Variants in DOCK3 observed in about 807,000 individuals in gnomAD.
DOCK3 encodes the protein dedicator of cytokinesis 3.
A neutral mutation model predicts 265.6 loss-of-function variants in DOCK3; 60 were observed. The observed-to-expected ratio is 0.23, with a 90% CI of 0.18 to 0.28. The LOEUF (loss-of-function observed/expected upper bound fraction) is 0.28. DOCK3 is among the 10% of genes least tolerant of loss of function. The pLI is 1.00. For missense variants in DOCK3, 1,981 were observed against 2,594.3 expected (o/e 0.76, Z 5.14); for synonymous variants, 881 against 938.0 (o/e 0.94, Z 1.11).
At chr3:50,777,771 G>A (rs1434474279) in intron 1 of DOCK3, among the ~76,000 whole-genome samples, 1 of 152,074 alleles carries the variant, frequency 6.6e-6, no homozygotes, top group African/African-American at 2.4e-5. Context: ...TTTTGTTCCT[G>A]AGACCTTACT....
At chr3:50,767,670 C>T (rs1212071906) in intron 1 of DOCK3, among the ~76,000 whole-genome samples, 1 of 152,068 alleles carries the variant, frequency 6.6e-6, no homozygotes, top group East Asian at 1.9e-4. Context: ...TCATTGGTAG[C>T]TTGATGGGGA....
intron 4 of DOCK3, among the ~76,000 whole-genome samples, chr3:50,927,891 G>A (rs1488008921): frequency 2.0e-5 from 3 of 151,996 alleles, no homozygotes; most frequent in Non-Finnish European, 4.4e-5. Flanking sequence ...TAACACTGCC[G>A]TTTACTTCTT....
At chr3:50,729,356 TTTTATTTA>T (rs112747126) in intron 1 of DOCK3, among the ~76,000 whole-genome samples, 4 of 141,734 alleles carry the variant, frequency 2.8e-5, no homozygotes, top group Admixed American at 2.1e-4. Context: ...TTTATTTTTA[TTTTATTTA>T]TTTATTTATT....
intron 5 of DOCK3, among the ~76,000 whole-genome samples, chr3:51,053,331 A>C (rs910059025): frequency 6.6e-6 from 1 of 150,930 alleles, no homozygotes; most frequent in South Asian, 2.1e-4. Flanking sequence ...TGATCTTCTT[A>C]TTATAGAAGA....
intron 9 of DOCK3, among the ~76,000 whole-genome samples, chr3:51,112,180 A>G (rs2083549913): frequency 6.6e-6 from 1 of 152,236 alleles, no homozygotes; most frequent in Non-Finnish European, 1.5e-5. Flanking sequence ...AAACAGAACT[A>G]CCATTTGACT....
At chr3:50,895,254 C>CT (rs1472973266) in intron 4 of DOCK3, among the ~76,000 whole-genome samples, 3 of 126,950 alleles carry the variant, frequency 2.4e-5, no homozygotes, top group African/African-American at 8.8e-5. Flanking sequence ...TTTCCTTCAA[C>CT]TTTAATTTTA....
chr3:51,075,489 C>A (rs2082028024), intron 7 of DOCK3, 49 bp downstream of exon 7: 2 of 1,431,920 alleles, frequency 1.4e-6, no homozygotes. Context: ...CTCATTTTTT[C>A]TCTTTTGTTT....
chr3:51,329,554 G>A (rs2084380364), intron 32 of DOCK3, among the ~76,000 whole-genome samples: 1 of 152,204 alleles, frequency 6.6e-6, no homozygotes, highest in African/African-American at 2.4e-5. Flanking sequence ...CAGGGGCCCG[G>A]TGATGGCCCA....
chr3:50,900,297 A>G (rs887612261), intron 4 of DOCK3, among the ~76,000 whole-genome samples: 1 of 152,054 alleles, frequency 6.6e-6, no homozygotes, highest in Non-Finnish European at 1.5e-5. Context: ...TGCTTCACGA[A>G]GTTCTTGTGC....
At chr3:51,254,635 C>G (rs542328051) in intron 22 of DOCK3, among the ~76,000 whole-genome samples, 7 of 152,272 alleles carry the variant, frequency 4.6e-5, no homozygotes, top group Admixed American at 3.9e-4. Context: ...CCTTCTTTAT[C>G]TCTTTTGATC....
At chr3:51,036,145 C>T (rs1029424456) in intron 5 of DOCK3, among the ~76,000 whole-genome samples, 2 of 152,158 alleles carry the variant, frequency 1.3e-5, no homozygotes, top group African/African-American at 4.8e-5. Context: ...CAAAATCTGC[C>T]TGCCTTCATT....
chr3:51,139,949 A>G (rs558335725), intron 9 of DOCK3, among the ~76,000 whole-genome samples: 1 of 152,326 alleles, frequency 6.6e-6, no homozygotes, highest in South Asian at 2.1e-4. Context: ...TAAGCAAGAA[A>G]GGCTCATGTG....
chr3:51,146,495 T>G (rs1452594440), intron 9 of DOCK3, 54 bp from the exon 10 acceptor site: 2 of 1,524,540 alleles, frequency 1.3e-6, no homozygotes, highest in Admixed American at 2.0e-5. Context: ...CCTTTTTCTT[T>G]GTTCTGGAGT....
chr3:51,040,457 T>C (rs1559976323), intron 5 of DOCK3, among the ~76,000 whole-genome samples: 1 of 152,234 alleles, frequency 6.6e-6, no homozygotes, highest in Admixed American at 6.5e-5. Context: ...AATTATCATC[T>C]GATCCTTCAG....
chr3:51,339,117 G>C (rs2085069970), intron 37 of DOCK3, 89 bp downstream of exon 37: 4 of 1,146,066 alleles, frequency 3.5e-6, no homozygotes, highest in South Asian at 3.3e-5. Flanking sequence ...TCAGGCTGGT[G>C]CCTGCCAGAT....
At chr3:50,947,134 G>A (rs1272884086) in intron 5 of DOCK3, among the ~76,000 whole-genome samples, 1 of 151,876 alleles carries the variant, frequency 6.6e-6, no homozygotes, top group African/African-American at 2.4e-5. Context: ...GATATAGTGA[G>A]CTTACCTTCA....
chr3:51,175,999 CAAAT>C (rs1420563314), intron 12 of DOCK3, among the ~76,000 whole-genome samples: 2 of 152,194 alleles, frequency 1.3e-5, no homozygotes, highest in Non-Finnish European at 2.9e-5. Context: ...GAGGAAGACT[CAAAT>C]AAGTCTGTGA....
At chr3:51,233,799 C>A (rs769734818) in intron 19 of DOCK3, among the ~76,000 whole-genome samples, 1 of 152,184 alleles carries the variant, frequency 6.6e-6, no homozygotes, top group African/African-American at 2.4e-5. Flanking sequence ...TCAGCTTGAA[C>A]GTTGTTGGTG....
chr3:51,260,027 C>T, intron 22 of DOCK3, 129 bp from the exon 23 acceptor site: 2 of 885,168 alleles, frequency 2.3e-6, no homozygotes, highest in Non-Finnish European at 3.3e-6. Context: ...TATCTATCTC[C>T]ATAGTTAGAA....
Sources: gnomAD v4.1 joint callset for allele counts (sites outside exome capture counted in the v4.1 genomes callset) on GRCh38, gnomAD v4.1.1 for gene constraint, MANE v1.5 for transcripts, NCBI Gene and HGNC (gene_info 2026-07-23, HGNC 2026-07-21) for gene names.